The following EVC variants were observed in gnomAD, a reference collection of about 807,000 sequenced individuals.
EVC encodes the protein EvC ciliary complex subunit 1.
In EVC, 116 loss-of-function variants were observed where a neutral mutation model predicts 118.9. The ratio of observed to expected loss-of-function variants is 0.98; its 90% confidence interval spans 0.84 to 1.14. The LOEUF is 1.14. Ranked by LOEUF, EVC falls within the 50% of genes most tolerant of loss-of-function variation. The pLI, the probability that EVC is intolerant of heterozygous loss-of-function variation, is 0.00. For synonymous variants in EVC, 619 were observed against 534.7 expected, an observed-to-expected ratio of 1.16 and a Z score of -2.18; for missense variants, 1,401 against 1,246.4, an observed-to-expected ratio of 1.12 and a Z score of -1.87.
intron 16 of EVC, among the ~76,000 whole-genome samples, chr4:5,802,963 T>C (rs945073343): frequency 6.6e-6 from 1 of 152,270 alleles, no homozygotes; most frequent in Admixed American, 6.5e-5. Flanking sequence ...GTGAGCTTCC[T>C]GGTGGTGAAA....
chr4:5,820,284 G>A, the EVC span, among the ~76,000 whole-genome samples: 3 of 151,850 alleles, frequency 2.0e-5, no homozygotes, highest in Non-Finnish European at 4.4e-5. Context: ...CACCACTATC[G>A]TCACCATCAT....
At chr4:5,744,569 G>A (rs1013766231) in intron 6 of EVC, among the ~76,000 whole-genome samples, 1 of 152,128 alleles carries the variant, frequency 6.6e-6, no homozygotes, top group Admixed American at 6.5e-5. Context: ...CAGCTTGGAC[G>A]ATGTGGCTTA....
chr4:5,752,697 A>T, intron 8 of EVC, 139 bp from the exon 9 acceptor site: 1 of 836,880 alleles, frequency 1.2e-6, no homozygotes. Context: ...GGAGAGGGGG[A>T]GTTCATCCCT....
chr4:5,776,770 A>G (rs1049910750), intron 11 of EVC, among the ~76,000 whole-genome samples: 2 of 152,098 alleles, frequency 1.3e-5, no homozygotes, highest in African/African-American at 4.8e-5. Flanking sequence ...CTTCAGCTGC[A>G]CCTAAACTGC....
the EVC span, chr4:5,821,426 C>T: frequency 3.0e-6 from 1 of 332,296 alleles, no homozygotes; most frequent in Non-Finnish European, 5.6e-6. This position sits in a 1 kb window ranked among gnomAD's most constrained non-coding sequence, Gnocchi z 4.4. Flanking sequence ...TGCAAAGGAA[C>T]CACCACTCAG....
At chr4:5,711,618 C>CG in intron 1 of EVC, 64 bp downstream of exon 1, 3 of 1,111,298 alleles carry the variant, frequency 2.7e-6, no homozygotes, top group Non-Finnish European at 3.3e-6. Context: ...CTGGGTCCTG[C>CG]GGGCCCGGAG....
chr4:5,811,069 G>A lies in EVC; in HGVS notation c.*32G>A, dbSNP rs1427193117. ...ACCAGTCGGTGGGACAAGACCTGAA[G>A]CCCTGGGTCTGGGTGTGAATTCCAC... On this transcript the variant is annotated 3_prime_UTR_variant, in exon 21 of 21. Coordinates refer to ENST00000264956, the MANE Select transcript of EVC (RefSeq NM_153717.3). 6.4e-7 allele frequency: 1 copy of A among 1,574,676 alleles called. No individual in the cohort carries two copies. The highest frequency in any genetic ancestry group is 8.7e-7 in the Non-Finnish European group (1 of 1,152,002).
the EVC span, chr4:5,828,457 G>A: frequency 2.4e-3 from 3,851 of 1,603,048 alleles, 6 homozygotes; most frequent in Non-Finnish European, 2.5e-3. Flanking sequence ...CTGGTCCCAC[G>A]GGTGGGCCCG....
chr4:5,726,879 T>C (rs954189404), intron 2 of EVC, among the ~76,000 whole-genome samples: 1 of 152,060 alleles, frequency 6.6e-6, no homozygotes, highest in Admixed American at 6.5e-5. Context: ...ATTTCATCCA[T>C]GTCCCTACAA....
At chr4:5,793,762 A>C in intron 13 of EVC, 45 bp downstream of exon 13, 1 of 1,436,596 alleles carries the variant, frequency 7.0e-7, no homozygotes, top group Non-Finnish European at 9.6e-7. Flanking sequence ...GTCCTGCATG[A>C]TGCTCCCTCC....
chr4:5,796,063 T>TCGG (rs1485190793), intron 13 of EVC, among the ~76,000 whole-genome samples: 1 of 152,176 alleles, frequency 6.6e-6, no homozygotes, highest in East Asian at 1.9e-4. Flanking sequence ...CCAGCCACTC[T>TCGG]CTCTTCAGCC....
intron 1 of EVC, 55 bp downstream of exon 1, chr4:5,711,609 T>C (rs1387767724): frequency 8.8e-7 from 1 of 1,141,698 alleles, no homozygotes; most frequent in East Asian, 4.0e-5. Flanking sequence ...GCGTGGCTTC[T>C]GGGTCCTGCG....
At chr4:5,736,696 G>A (rs1030989596) in intron 5 of EVC, among the ~76,000 whole-genome samples, 4 of 152,064 alleles carry the variant, frequency 2.6e-5, no homozygotes, top group African/African-American at 9.7e-5. Context: ...GACCTTTGAC[G>A]TTATGATTGT....
At chr4:5,802,656 G>C (rs1715215749) in intron 16 of EVC, among the ~76,000 whole-genome samples, 2 of 152,192 alleles carry the variant, frequency 1.3e-5, no homozygotes, top group South Asian at 4.1e-4. Flanking sequence ...CATTAGATAA[G>C]GAATGCACAA....
intron 16 of EVC, 25 bp downstream of exon 16, chr4:5,802,119 C>T (rs1422710888): frequency 1.2e-6 from 2 of 1,613,832 alleles, no homozygotes; most frequent in Non-Finnish European, 8.5e-7. Context: ...CTCAGGGAAG[C>T]CCCAGAAGAG....
At chr4:5,762,270 A>G (rs1395468928) in intron 11 of EVC, among the ~76,000 whole-genome samples, 5 of 132,056 alleles carry the variant, frequency 3.8e-5, no homozygotes, top group Non-Finnish European at 6.6e-5. Context: ...CATGGTGTAT[A>G]TGTGCCACAT....
intron 11 of EVC, among the ~76,000 whole-genome samples, chr4:5,772,469 C>G (rs1404061766): frequency 6.6e-6 from 1 of 152,094 alleles, no homozygotes. Flanking sequence ...GGCTACCTTC[C>G]TTTTAAGTTC....
At chr4:5,775,555 A>G (rs1331615533) in intron 11 of EVC, among the ~76,000 whole-genome samples, 1 of 152,120 alleles carries the variant, frequency 6.6e-6, no homozygotes, top group East Asian at 1.9e-4. Context: ...GCTTTGTCCC[A>G]TTGGCCTTTC....
chr4:5,809,438 C>T (rs1415104815), intron 18 of EVC, 80 bp from the exon 19 acceptor site: 1 of 1,281,042 alleles, frequency 7.8e-7, no homozygotes, highest in African/African-American at 1.5e-5. Flanking sequence ...CCTCAAGTGT[C>T]AGAATTCACT....
Sources: gnomAD v4.1 joint callset for allele counts (sites outside exome capture counted in the v4.1 genomes callset) on GRCh38, gnomAD v4.1.1 for gene constraint, Gnocchi (gnomAD v3.1) non-coding constraint, MANE v1.5 for transcripts, NCBI Gene and HGNC (gene_info 2026-07-23, HGNC 2026-07-21) for gene names.